The following HTR5A variants were observed in gnomAD, a reference collection of about 807,000 sequenced individuals.
The protein encoded by HTR5A is 5-HT-5.
Under a neutral mutation model 24.3 loss-of-function variants are expected in HTR5A, and 21 were observed. The ratio of observed to expected loss-of-function variants is 0.86; its 90% confidence interval spans 0.61 to 1.24. The LOEUF (loss-of-function observed/expected upper bound fraction) is 1.24, where lower values mean the gene tolerates loss of function less well. Among genes scored for constraint, HTR5A ranks in the 50% most tolerant of loss-of-function variants. HTR5A has a pLI of 0.00. For missense variants in HTR5A, 497 were observed against 489.5 expected (o/e 1.02, Z -0.15); for synonymous variants, 260 against 213.7 (o/e 1.22, Z -1.89).
intron 1 of HTR5A, among the ~76,000 whole-genome samples, chr7:155,072,902 C>T (rs1291125855): frequency 6.6e-6 from 1 of 152,126 alleles, no homozygotes; most frequent in Non-Finnish European, 1.5e-5. Context: ...GGGCATCATC[C>T]TAGAGGAAAG....
chr7:155,070,834 T>A lies in HTR5A; in HGVS notation c.-66T>A. 2 of 1,504,072 alleles carry A rather than the reference T, an allele frequency of 1.3e-6. No homozygotes were observed. The highest frequency in any genetic ancestry group is 4.5e-5 in the East Asian group (2 of 44,020). 93.2% of individuals were successfully genotyped at this position (1,504,072 alleles called of 1,614,324 possible). A position where few individuals can be genotyped will look rare whatever the true frequency, so the allele number is the denominator to read the frequency against. The stretch of plus-strand genomic sequence containing the variant: ...ACATCCGGATTGGCTCTGGGCACAG[T>A]GGCCGCCTTAAGTCCTCCTGAACAC... On this transcript the variant is annotated 5_prime_UTR_variant, in exon 1 of 2. Transcript: ENST00000287907.
chr7:155,070,752 T>C lies in HTR5A; in HGVS notation c.-148T>C, dbSNP rs949701241. 3.6e-6 allele frequency: 3 copies of C among 843,114 alleles called. No individual in the cohort carries two copies. The highest frequency in any genetic ancestry group is 3.3e-5 in the South Asian group (2 of 59,816). The allele number at this position is 843,114 out of a possible 1,614,324, so 52.2% of individuals were successfully genotyped here. On this transcript the variant is annotated 5_prime_UTR_variant, in exon 1 of 2. Transcript: ENST00000287907. ...CCAACGGATGCTCACTAGCAGGAAA[T>C]TGGGGCCAAATTCACAGGCACTTTC...
At chr7:155,073,905 A>ATATATG (rs1563419727) in intron 1 of HTR5A, among the ~76,000 whole-genome samples, 6 of 88,034 alleles carry the variant, frequency 6.8e-5, no homozygotes, top group African/African-American at 2.3e-4. Flanking sequence ...ATATATATAT[A>ATATATG]TATATATATA....
Position 155,087,083 on chromosome 7 carries a change from G to C in HTR5A, c.*2596G>C, listed in dbSNP as rs934112884. Among the ~76,000 whole-genome samples the C allele has an allele frequency of 2.0e-5, 3 of 152,138 alleles. No individual in the cohort carries two copies. The highest frequency in any genetic ancestry group is 7.2e-5 in the African/African-American group (3 of 41,442). On this transcript the variant is annotated 3_prime_UTR_variant, in exon 2 of 2. Coordinates refer to ENST00000287907, the MANE Select transcript of HTR5A (RefSeq NM_024012.4). ...CTGCCTAAAGACAAAGTACAAAGGA[G>C]ATAATCCTCTCCTTATGAGTGATCT...
chr7:155,079,617 G>C lies in HTR5A; in HGVS notation c.742-4538G>C, dbSNP rs554956084. Reference sequence around the variant, plus strand: ...TCATTCATCAGATGTTTTTCATTAAGTAAAAAAAGTTTGGCATTTGTGAAG... The same window carrying C: ...TCATTCATCAGATGTTTTTCATTAACTAAAAAAAGTTTGGCATTTGTGAAG... On this transcript the variant is annotated intron_variant, in intron 1 of 1. Transcript: ENST00000287907. Among the ~76,000 whole-genome samples, 14 of 152,258 alleles carry C rather than the reference G, an allele frequency of 9.2e-5. No homozygotes were observed. In the East Asian group the frequency reaches 2.5e-3, roughly 27 times the overall value.
At chr7:155,082,461 C>A (rs1795428358) in intron 1 of HTR5A, among the ~76,000 whole-genome samples, 1 of 152,152 alleles carries the variant, frequency 6.6e-6, no homozygotes, top group Admixed American at 6.5e-5. Context: ...TCCAGTATAA[C>A]CAGCATCTCC....
In HTR5A at chr7:155,071,073, C is replaced by G; in HGVS notation, c.174C>G (p.Asn58Lys). Residue 58 changes from asparagine to lysine, a missense_variant, in exon 1 of 2, where the codon AAC becomes AAG. Coordinates refer to ENST00000287907, the MANE Select transcript of HTR5A (RefSeq NM_024012.4). ...TGGTGGCGGCGACGTTCGCCTGGAA[C>G]CTGCTGGTGCTGGCGACCATCCTCC... ...GFLVAATFAW[N>K]LLVLATILRV... 6.2e-7 allele frequency: 1 copy of G among 1,609,182 alleles called. No homozygotes were observed. The highest frequency in any genetic ancestry group is 8.5e-7 in the Non-Finnish European group (1 of 1,180,020).
chr7:155,081,600 T>C (rs752361884), intron 1 of HTR5A, among the ~76,000 whole-genome samples: 5 of 152,256 alleles, frequency 3.3e-5, no homozygotes, highest in Non-Finnish European at 1.5e-5. Context: ...TTCCTCTCTT[T>C]CTGTGAGTTT....
Position 155,071,444 on chromosome 7 carries a change from G to A in HTR5A, c.545G>A (p.Gly182Glu). Reference protein sequence around the residue: ...ISLAPLLFGWGETYSEGSEEC... With the variant: ...ISLAPLLFGWEETYSEGSEEC... ...CTGGCCCCGCTGCTTTTTGGCTGGGGAGAGACGTACTCTGAGGGCAGCGAG... is the reference window on the plus strand; with the variant it reads ...CTGGCCCCGCTGCTTTTTGGCTGGGAAGAGACGTACTCTGAGGGCAGCGAG... Residue 182 changes from glycine to glutamate, a missense_variant, in exon 1 of 2, where the codon GGA (glycine) becomes GAA (glutamate). Gly to Glu is a moderately conservative substitution (Grantham distance 98). Transcript: ENST00000287907. The A allele has an allele frequency of 1.9e-6, 3 of 1,614,202 alleles. No individual in the cohort carries two copies. The highest frequency in any genetic ancestry group is 2.5e-6 in the Non-Finnish European group (3 of 1,180,034).
chr7:155,079,618 TA>T (rs1215420530), intron 1 of HTR5A, among the ~76,000 whole-genome samples: 12 of 152,316 alleles, frequency 7.9e-5, no homozygotes, highest in African/African-American at 2.2e-4. Flanking sequence ...TTTCATTAAG[TA>T]AAAAAAGTTT....
intron 1 of HTR5A, among the ~76,000 whole-genome samples, chr7:155,076,460 T>C (rs1263374098): frequency 6.6e-6 from 1 of 152,196 alleles, no homozygotes; most frequent in African/African-American, 2.4e-5. Flanking sequence ...AACTTGGCTT[T>C]GGGTAAGAAA....
chr7:155,082,779 T>A (rs1306342326), intron 1 of HTR5A, among the ~76,000 whole-genome samples: 1 of 152,118 alleles, frequency 6.6e-6, no homozygotes, highest in African/African-American at 2.4e-5. Context: ...TATAAATGAA[T>A]CCCCTCAAAT....
chr7:155,073,867 A>ATATATATATACG (rs1239448505), intron 1 of HTR5A, among the ~76,000 whole-genome samples: 12 of 121,160 alleles, frequency 9.9e-5, no homozygotes, highest in African/African-American at 3.4e-4. Flanking sequence ...GTGTGTGTGT[A>ATATATATATACG]TATATATATG....
In HTR5A at chr7:155,077,466, GTT is replaced by G. The variant is rs11324160; in HGVS notation, c.741+5840_741+5841del. 3.7e-3 allele frequency among the ~76,000 whole-genome samples: 386 copies of G among 103,342 alleles called. 5 individuals carry two copies. The highest frequency in any genetic ancestry group is 0.033 in the East Asian group (110 of 3,370). 67.8% of individuals were successfully genotyped at this position (103,342 alleles called of 152,430 possible). A position where few individuals can be genotyped will look rare whatever the true frequency, so the allele number is the denominator to read the frequency against. On this transcript the variant is annotated intron_variant, in intron 1 of 1. Transcript: ENST00000287907. ...CCTATAACCAATAGGTTTTTTTTTT[GTT>G]TTTTTTTTTTTTTGAGACAGAGTCT... is the stretch of plus-strand genomic sequence containing the variant.
At chr7:155,073,003 G>T (rs1795314048) in intron 1 of HTR5A, among the ~76,000 whole-genome samples, 1 of 152,096 alleles carries the variant, frequency 6.6e-6, no homozygotes, top group African/African-American at 2.4e-5. Flanking sequence ...AAACATTTGG[G>T]CTGTCTGGAG....
chr7:155,074,556 T>C (rs1795340387), intron 1 of HTR5A: 1 of 152,140 alleles, frequency 6.6e-6, no homozygotes, highest in African/African-American at 2.4e-5. Flanking sequence ...CCATCTCTGG[T>C]GGCCTGACTT....
chr7:155,079,626 G>T (rs1469917304), intron 1 of HTR5A, among the ~76,000 whole-genome samples: 5 of 152,192 alleles, frequency 3.3e-5, no homozygotes, highest in African/African-American at 7.2e-5. Flanking sequence ...AGTAAAAAAA[G>T]TTTGGCATTT....
intron 1 of HTR5A, among the ~76,000 whole-genome samples, chr7:155,079,493 G>T (rs983583524): frequency 6.6e-6 from 1 of 152,082 alleles, no homozygotes; most frequent in Non-Finnish European, 1.5e-5. Flanking sequence ...TTCTTTTAAG[G>T]ACTCAAAATA....
In HTR5A at chr7:155,087,042, G is replaced by A. The variant is rs1467349663; in HGVS notation, c.*2555G>A. Among the ~76,000 whole-genome samples, 4 of 152,008 alleles carry A rather than the reference G, an allele frequency of 2.6e-5. No individual in the cohort carries two copies. Among genetic ancestry groups the A allele is most frequent in the African/African-American group, 7.2e-5 (3 of 41,386 alleles). ...TCTTGTAGAATATGTCGAACAAAAC[G>A]CACAGTTCTGCCCTCCTGCCTAAAG... On this transcript the variant is annotated 3_prime_UTR_variant, in exon 2 of 2. Transcript: ENST00000287907.
Sources: allele counts gnomAD v4.1 joint callset (sites outside exome capture counted in the v4.1 genomes callset), GRCh38; gene constraint gnomAD v4.1.1; transcripts MANE v1.5; gene names NCBI Gene and HGNC (gene_info 2026-07-23, HGNC 2026-07-21).